Variants in KCNJ13 observed in about 807,000 individuals in gnomAD.
KCNJ13 encodes potassium inwardly rectifying channel subfamily J member 13, also known as inward rectifier potassium channel 13.
Under a neutral mutation model 24.6 loss-of-function variants are expected in KCNJ13, and 9 were observed. That is an observed-to-expected ratio of 0.37 (90% CI 0.22 to 0.64). The LOEUF (loss-of-function observed/expected upper bound fraction) is 0.64, where lower values mean the gene tolerates loss of function less well. Ranked by LOEUF, KCNJ13 falls within the 30% of genes least tolerant of loss-of-function variation. The probability of loss-of-function intolerance (pLI) is 0.64; values close to 1 mark genes in which losing one functional copy is unlikely to be tolerated. For missense variants in KCNJ13, 337 were observed against 443.8 expected, an observed-to-expected ratio of 0.76 and a Z score of 2.16; for synonymous variants, 148 against 154.7, an observed-to-expected ratio of 0.96 and a Z score of 0.32.
At position 232,771,368 on chromosome 2, in the gene KCNJ13, G is replaced by C; in HGVS notation, c.-6C>G. 2 of 1,596,766 alleles carry C rather than the reference G, an allele frequency of 1.3e-6. No individual in the cohort carries two copies. Among genetic ancestry groups the C allele is most frequent in the Non-Finnish European group, 8.6e-7 (1 of 1,165,268 alleles). ...TTGCAATTACTGCTGTCCATCTCAG[G>C]CTGTATTTCTCTAAAATCAAGAGTA... On this transcript the variant is annotated 5_prime_UTR_variant, in exon 2 of 3. Coordinates refer to ENST00000233826, the MANE Select transcript of KCNJ13 (RefSeq NM_002242.4).
intron 1 of KCNJ13, among the ~76,000 whole-genome samples, chr2:232,772,579 A>AT (rs1699312016): frequency 6.6e-6 from 1 of 152,228 alleles, no homozygotes; most frequent in Non-Finnish European, 1.5e-5. Context: ...TAGAAATCTA[A>AT]TGTGTGCCTT....
In KCNJ13 at chr2:232,776,156, A is replaced by AT. The variant is rs1046440834; in HGVS notation, c.-17+288dup. Among the ~76,000 whole-genome samples, 6 of 151,900 alleles carry AT rather than the reference A, an allele frequency of 3.9e-5. No individual in the cohort carries two copies. The East Asian group carries it at 5.8e-4, about 15-fold the overall frequency. ...ACTTTTTTTTTCCTCAAGCCACTGA[A>AT]TTTTTTTTCCTAAGGCCTTTATCCT... On this transcript the variant is annotated intron_variant, in intron 1 of 2. Transcript: ENST00000233826.
chr2:232,770,921 G>A lies in KCNJ13; in HGVS notation c.442C>T (p.Leu148=), dbSNP rs1699219600. ...AAATTACCTGTGATAAAAGCCTCTA[G>A]CATGAGGCCTAGGAGCATTTGTATG... is the stretch of plus-strand genomic sequence containing the variant. ...LAIQMLLGLM[L]EAFITGAFVA... The change falls in exon 2 of 3, where the codon CTA becomes TTA. Residue 148 remains leucine, a synonymous_variant. Coordinates refer to ENST00000233826, the MANE Select transcript of KCNJ13 (RefSeq NM_002242.4). 2 of 1,612,750 alleles carry A rather than the reference G, an allele frequency of 1.2e-6. No individual in the cohort carries two copies. The highest frequency in any genetic ancestry group is 1.7e-5 in the Admixed American group (1 of 59,948).
At chr2:232,770,408 CTG>C (rs1282164199) in intron 2 of KCNJ13, among the ~76,000 whole-genome samples, 1 of 152,064 alleles carries the variant, frequency 6.6e-6, no homozygotes, top group Non-Finnish European at 1.5e-5. Context: ...ATAATGCTGA[CTG>C]TGGTGTTCTG....
Position 232,776,500 on chromosome 2 carries a change from G to T in KCNJ13, c.-72C>A. On this transcript the variant is annotated 5_prime_UTR_variant, in exon 1 of 3. The change creates a new upstream start codon in the 5' untranslated region. Transcript: ENST00000233826. ...AAGGTAGGTCTTAAGGAAATTTACA[G>T]AGTCTGCCTTTTTGATCAGATAATT... is the stretch of plus-strand genomic sequence containing the variant. The T allele has an allele frequency of 8.2e-7, 1 of 1,215,664 alleles. No individual in the cohort carries two copies. Among genetic ancestry groups the T allele is most frequent in the Non-Finnish European group, 1.1e-6 (1 of 879,860 alleles). The allele number at this position is 1,215,664 out of a possible 1,614,324, so 75.3% of individuals were successfully genotyped here. A position where few individuals can be genotyped will look rare whatever the true frequency, so the allele number is the denominator to read the frequency against.
At chr2:232,773,990 G>C (rs375889382) in intron 1 of KCNJ13, among the ~76,000 whole-genome samples, 3 of 148,006 alleles carry the variant, frequency 2.0e-5, no homozygotes, top group Admixed American at 6.7e-5. Context: ...TACAGATAAC[G>C]AAAGTGAGGA....
At chr2:232,771,505 G>T (rs575771912) in intron 1 of KCNJ13, 127 bp from the exon 2 acceptor site, 7 of 584,284 alleles carry the variant, frequency 1.2e-5, no homozygotes, top group East Asian at 5.6e-5. Context: ...CAACTCTCTC[G>T]CTTTTCTCTT....
intron 1 of KCNJ13, among the ~76,000 whole-genome samples, chr2:232,771,686 T>G (rs1699251812): frequency 6.6e-6 from 1 of 152,232 alleles, no homozygotes; most frequent in African/African-American, 2.4e-5. Flanking sequence ...CCCCTGTGTC[T>G]TCCTTGCACA....
At position 232,768,461 on chromosome 2, in the gene KCNJ13, A is replaced by T; in HGVS notation, c.813T>A (p.Leu271=). 6.2e-7 allele frequency: 1 copy of T among 1,614,180 alleles called. No individual in the cohort carries two copies. Among genetic ancestry groups the T allele is most frequent in the Non-Finnish European group, 8.5e-7 (1 of 1,180,016 alleles). ...CTCCAGTGCCCTCCTGCATTGCTGA[A>T]AGGAATACAACTAATTCAAAGTGAG... The part of the protein sequence containing the change: ...NPSHFELVVF[L]SAMQEGTGEI... Residue 271 remains leucine, a synonymous_variant, in exon 3 of 3, where the codon CTT becomes CTA. Transcript: ENST00000233826.
At chr2:232,772,537 A>C (rs1448820918) in intron 1 of KCNJ13, among the ~76,000 whole-genome samples, 2 of 152,222 alleles carry the variant, frequency 1.3e-5, no homozygotes, top group Non-Finnish European at 2.9e-5. Context: ...AACAGTTTTC[A>C]TCAGTGGTTA....
intron 1 of KCNJ13, among the ~76,000 whole-genome samples, chr2:232,775,489 A>T (rs1345844598): frequency 6.6e-6 from 1 of 152,220 alleles, no homozygotes; most frequent in African/African-American, 2.4e-5. Context: ...CGTATGGTTT[A>T]AAAAATTATA....
intron 1 of KCNJ13, among the ~76,000 whole-genome samples, chr2:232,772,921 T>G (rs1192713089): frequency 1.3e-5 from 2 of 152,152 alleles, no homozygotes; most frequent in Admixed American, 1.3e-4. Flanking sequence ...GTTGTTGGAA[T>G]TGGATATTGG....
In KCNJ13 at chr2:232,766,940, T is replaced by A. The variant is rs1698989878; in HGVS notation, c.*1251A>T. ...GTTTGAAACCTGATAGGGTGACTTTTTTGGTTTTTGTTTTGTTTTAAGGAC... is the reference window on the plus strand; with the variant it reads ...GTTTGAAACCTGATAGGGTGACTTTATTGGTTTTTGTTTTGTTTTAAGGAC... On this transcript the variant is annotated 3_prime_UTR_variant, in exon 3 of 3. Coordinates refer to ENST00000233826, the MANE Select transcript of KCNJ13 (RefSeq NM_002242.4). 6.6e-6 allele frequency: 1 copy of A among 152,200 alleles called. No homozygotes were observed. 9.4% of individuals were successfully genotyped at this position (152,200 alleles called of 1,614,324 possible).
At position 232,766,215 on chromosome 2, in the gene KCNJ13, A is replaced by G. The variant is rs1393796898; in HGVS notation, c.*1976T>C. On this transcript the variant is annotated 3_prime_UTR_variant, in exon 3 of 3. Transcript: ENST00000233826. ...TGGATCACGTTTCTTATAGATTTAT[A>G]AAGTGTTTATTAAATAACAGTAGTT... Among the ~76,000 whole-genome samples the G allele has an allele frequency of 6.6e-6, 1 of 152,240 alleles. No homozygotes were observed. The highest frequency in any genetic ancestry group is 1.5e-5 in the Non-Finnish European group (1 of 68,042).
In KCNJ13 at chr2:232,768,104, T is replaced by A; in HGVS notation, c.*87A>T. ...TGATGTAGAGAGCTATAATTAGCAT[T>A]GAAAAAAGAAAACATGAGATACAGT... On this transcript the variant is annotated 3_prime_UTR_variant, in exon 3 of 3. Transcript: ENST00000233826. 7.4e-7 allele frequency: 1 copy of A among 1,359,680 alleles called. No homozygotes were observed. Among genetic ancestry groups the A allele is most frequent in the Non-Finnish European group, 1.0e-6 (1 of 956,352 alleles). 84.2% of individuals were successfully genotyped at this position (1,359,680 alleles called of 1,614,324 possible).
At chr2:232,774,249 TG>T (rs1339696369) in intron 1 of KCNJ13, among the ~76,000 whole-genome samples, 1 of 152,222 alleles carries the variant, frequency 6.6e-6, no homozygotes. Context: ...GCTTAGCCTT[TG>T]TGAATAATAC....
Position 232,771,071 on chromosome 2 carries a change from T to A in KCNJ13, c.292A>T (p.Ile98Phe), listed in dbSNP as rs760027526. ...DHDAPPENHT[I>F]CVKYITSFTA... ...AAACTGGTGATATACTTGACACAGA[T>A]AGTGTGGTTTTCAGGTGGGGCATCA... is the stretch of plus-strand genomic sequence containing the variant. Residue 98 changes from isoleucine to phenylalanine, a missense_variant, in exon 2 of 3, where the codon ATC (isoleucine) becomes TTC (phenylalanine). Ile to Phe is a conservative substitution (Grantham distance 21). This residue lies in a region of KCNJ13 where 101 missense variants were observed against 139.2 expected (regional missense o/e 0.73). Coordinates refer to ENST00000233826, the MANE Select transcript of KCNJ13 (RefSeq NM_002242.4). The A allele has an allele frequency of 1.9e-6, 3 of 1,614,094 alleles. No homozygotes were observed. The South Asian group carries it at 3.3e-5, about 18-fold the overall frequency.
chr2:232,773,214 T>A (rs1699343323), intron 1 of KCNJ13, among the ~76,000 whole-genome samples: 2 of 152,192 alleles, frequency 1.3e-5, no homozygotes, highest in Non-Finnish European at 2.9e-5. Flanking sequence ...CCTTATTTTG[T>A]TAGATTATTT....
At chr2:232,773,809 G>A (rs749823671) in intron 1 of KCNJ13, among the ~76,000 whole-genome samples, 2 of 150,982 alleles carry the variant, frequency 1.3e-5, no homozygotes, top group Non-Finnish European at 2.9e-5. Flanking sequence ...TATTAAAAAC[G>A]TGTCTGGCTC....
Sources: gnomAD v4.1 joint callset for allele counts (sites outside exome capture counted in the v4.1 genomes callset) on GRCh38, gnomAD v4.1.1 for gene constraint, gnomAD v4.1.1 regional missense constraint, MANE v1.5 for transcripts, NCBI Gene and HGNC (gene_info 2026-07-23, HGNC 2026-07-21) for gene names.